Variants in L3MBTL4 observed in about 807,000 individuals in gnomAD.
L3MBTL4 encodes the protein L3MBTL histone methyl-lysine binding protein 4, also known as lethal(3)malignant brain tumor-like protein 4.
Under a neutral mutation model 84.5 loss-of-function variants are expected in L3MBTL4, and 70 were observed. The ratio of observed to expected loss-of-function variants is 0.83; its 90% CI spans 0.68 to 1.01. The LOEUF (loss-of-function observed/expected upper bound fraction) is 1.01. Ranked by LOEUF, L3MBTL4 falls within the 50% of genes least tolerant of loss-of-function variation. The pLI, the probability that L3MBTL4 is intolerant of heterozygous loss-of-function variation, is 0.00. For synonymous variants in L3MBTL4, 274 were observed against 259.8 expected (o/e 1.05, Z -0.52); for missense variants, 715 against 754.8 (o/e 0.95, Z 0.62).
chr18:6,258,691 A>G (rs2048263376), intron 5 of L3MBTL4: 1 of 152,278 alleles, frequency 6.6e-6, no homozygotes, highest in African/African-American at 2.4e-5. Context: ...TGTGGTCACG[A>G]AGGCAGATGG....
intron 1 of L3MBTL4, among the ~76,000 whole-genome samples, chr18:6,332,655 T>C (rs1359012580): frequency 6.6e-6 from 1 of 152,060 alleles, no homozygotes; most frequent in African/African-American, 2.4e-5. Flanking sequence ...GGCCGCTAAG[T>C]AAAAGAAAGG....
intron 1 of L3MBTL4, among the ~76,000 whole-genome samples, chr18:6,384,013 C>T (rs375497474): frequency 5.3e-5 from 8 of 152,262 alleles, no homozygotes; most frequent in African/African-American, 1.9e-4. Context: ...CCTACCAAAT[C>T]AGAATCTCTA....
chr18:6,131,278 T>A (rs1469585601), intron 14 of L3MBTL4, among the ~76,000 whole-genome samples: 1 of 152,212 alleles, frequency 6.6e-6, no homozygotes, highest in Non-Finnish European at 1.5e-5. Flanking sequence ...TGCCACCTTC[T>A]TAAAGTGGAG....
intron 14 of L3MBTL4, among the ~76,000 whole-genome samples, chr18:6,099,019 G>A (rs2058727397): frequency 6.6e-6 from 1 of 152,196 alleles, no homozygotes; most frequent in Admixed American, 6.5e-5. Flanking sequence ...AAATGAGAAG[G>A]AAGAGGTATA....
At chr18:6,332,213 T>A (rs1187717363) in intron 1 of L3MBTL4, among the ~76,000 whole-genome samples, 3 of 152,236 alleles carry the variant, frequency 2.0e-5, no homozygotes, top group Non-Finnish European at 4.4e-5. Context: ...GAGTCAGAGC[T>A]GAGGTAAGGA....
In L3MBTL4 at chr18:6,080,921, G is replaced by T; in HGVS notation, c.1404C>A (p.Ile468=). The T allele has an allele frequency of 6.2e-7, 1 of 1,607,908 alleles. No individual in the cohort carries two copies. Among genetic ancestry groups the T allele is most frequent in the South Asian group, 1.1e-5 (1 of 89,980 alleles). ...CCAAGTCAATATCTTCTTTTCCTTTGATTTTCAAACACTTTGCCTGCTGTA... is the reference window on the plus strand; with the variant it reads ...CCAAGTCAATATCTTCTTTTCCTTTTATTTTCAAACACTTTGCCTGCTGTA... ...RLVQQAKCLK[I]KGKEDIDLDN... is the part of the protein sequence containing the mutation. The change falls in exon 16 of 19, where the codon ATC becomes ATA. Residue 468 remains isoleucine, a synonymous_variant. Transcript: ENST00000317931.
intron 16 of L3MBTL4, among the ~76,000 whole-genome samples, chr18:5,988,730 AG>A (rs2053566652): frequency 6.6e-6 from 1 of 152,272 alleles, no homozygotes; most frequent in Non-Finnish European, 1.5e-5. Context: ...GGGCTAGATC[AG>A]GGGTTGTCAA....
intron 4 of L3MBTL4, among the ~76,000 whole-genome samples, chr18:6,270,296 G>A (rs568490791): frequency 6.6e-6 from 1 of 152,240 alleles, no homozygotes; most frequent in Admixed American, 6.5e-5. Flanking sequence ...TTTCACGTGC[G>A]CAGTCAGGCT....
In L3MBTL4 at chr18:6,171,592, G is replaced by T. The variant is rs565977061; in HGVS notation, c.1096+236C>A. 3.9e-5 allele frequency among the ~76,000 whole-genome samples: 6 copies of T among 152,258 alleles called. No homozygotes were observed. The South Asian group carries it at 1.2e-3, about 32-fold the overall frequency. On this transcript the variant is annotated intron_variant, in intron 13 of 18. Coordinates refer to ENST00000317931, the MANE Select transcript of L3MBTL4 (RefSeq NM_001330559.2). ...TCCAAACTCAAATGTAGAAAATAAAGATTCCTTTGGAAAACACTATCAAAA... is the reference window on the plus strand; with the variant it reads ...TCCAAACTCAAATGTAGAAAATAAATATTCCTTTGGAAAACACTATCAAAA...
intron 3 of L3MBTL4, among the ~76,000 whole-genome samples, chr18:6,310,254 G>T (rs1310761425): frequency 6.6e-6 from 1 of 152,192 alleles, no homozygotes; most frequent in Non-Finnish European, 1.5e-5. Context: ...CCCAAGTCTG[G>T]TCCAAGACAC....
At position 5,955,428 on chromosome 18, in the gene L3MBTL4, G is replaced by A. The variant is rs553710726; in HGVS notation, c.*792C>T. 1 of 152,472 alleles carries A rather than the reference G, an allele frequency of 6.6e-6. No individual in the cohort carries two copies. The highest frequency in any genetic ancestry group is 1.9e-4 in the East Asian group (1 of 5,174). The allele number at this position is 152,472 out of a possible 1,614,324, so 9.4% of individuals were successfully genotyped here. A position where few individuals can be genotyped will look rare whatever the true frequency, so the allele number is the denominator to read the frequency against. Reference sequence around the variant, plus strand: ...GAGTGGGAGCAGGGAGGAGTTCTGTGCAGGTGAGCGTCTGGCCCAGCAGCC... The same window carrying A: ...GAGTGGGAGCAGGGAGGAGTTCTGTACAGGTGAGCGTCTGGCCCAGCAGCC... On this transcript the variant is annotated 3_prime_UTR_variant, in exon 19 of 19. Transcript: ENST00000317931.
At chr18:6,340,104 T>A (rs2052536081) in intron 1 of L3MBTL4, among the ~76,000 whole-genome samples, 1 of 152,114 alleles carries the variant, frequency 6.6e-6, no homozygotes, top group South Asian at 2.1e-4. Flanking sequence ...CCTAAGAACA[T>A]TATGAGAAAA....
intron 1 of L3MBTL4, among the ~76,000 whole-genome samples, chr18:6,363,953 G>C (rs2053823422): frequency 6.6e-6 from 1 of 152,086 alleles, no homozygotes; most frequent in Admixed American, 6.5e-5. Context: ...AAAAAAAGAG[G>C]CTATCACTAA....
At chr18:6,285,972 C>T (rs2049561190) in intron 4 of L3MBTL4, among the ~76,000 whole-genome samples, 2 of 151,574 alleles carry the variant, frequency 1.3e-5, no homozygotes, top group African/African-American at 2.4e-5. Flanking sequence ...GCTGGGATCA[C>T]AGGTGCGTGC....
At chr18:6,216,531 C>T (rs1344898662) in intron 10 of L3MBTL4, among the ~76,000 whole-genome samples, 12 of 151,710 alleles carry the variant, frequency 7.9e-5, no homozygotes, top group Admixed American at 7.9e-4. Context: ...ATATTGTTTA[C>T]TGCTTTTACT....
chr18:6,291,608 C>T (rs1428969547), intron 4 of L3MBTL4, among the ~76,000 whole-genome samples: 2 of 152,116 alleles, frequency 1.3e-5, no homozygotes, highest in South Asian at 2.1e-4. Context: ...AAAGGACATT[C>T]GCTTCAATAA....
intron 14 of L3MBTL4, among the ~76,000 whole-genome samples, chr18:6,123,954 C>A (rs1157424719): frequency 6.6e-6 from 1 of 152,126 alleles, no homozygotes; most frequent in East Asian, 1.9e-4. Flanking sequence ...GGGGTAAAGA[C>A]TTTGTAGCTG....
At chr18:6,070,932 A>G (rs1318972645) in intron 16 of L3MBTL4, among the ~76,000 whole-genome samples, 1 of 152,182 alleles carries the variant, frequency 6.6e-6, no homozygotes, top group Non-Finnish European at 1.5e-5. Context: ...ATAAAGATGC[A>G]TTTTGTAGTA....
chr18:6,239,755 C>G lies in L3MBTL4; in HGVS notation c.670G>C (p.Val224Leu), dbSNP rs761537633. The G allele has an allele frequency of 3.1e-5, 50 of 1,613,984 alleles. No homozygotes were observed. The highest frequency in any genetic ancestry group is 4.1e-5 in the Non-Finnish European group (48 of 1,180,016). ...CTATCATCCCAGTTGTCAAAATGCA[C>G]TAGTAAGCGATCTTCAACAATATCT... The part of the protein sequence containing the change: ...IADIVEDRLL[V>L]HFDNWDDSYD... The change falls in exon 9 of 19, where the codon GTG (valine) becomes CTG (leucine). Residue 224 changes from valine to leucine, a missense_variant. Physicochemically the swap from Val to Leu is conservative, Grantham distance 32 (BLOSUM62 1). Coordinates refer to ENST00000317931, the MANE Select transcript of L3MBTL4 (RefSeq NM_001330559.2).
Sources: allele counts gnomAD v4.1 joint callset (sites outside exome capture counted in the v4.1 genomes callset), GRCh38; gene constraint gnomAD v4.1.1; transcripts MANE v1.5; gene names NCBI Gene and HGNC (gene_info 2026-07-23, HGNC 2026-07-21).